Variants in PHKA2 observed in about 807,000 individuals in gnomAD.
PHKA2 encodes the protein phosphorylase kinase regulatory subunit alpha 2.
Under a neutral mutation model 102.0 loss-of-function variants are expected in PHKA2, and 31 were observed. The observed-to-expected ratio is 0.30, with a 90% CI of 0.23 to 0.41. PHKA2 has a LOEUF of 0.41. Among genes scored for constraint, PHKA2 ranks in the 10% least tolerant of loss-of-function variants. PHKA2 has a pLI of 1.00. For missense variants in PHKA2, 858 were observed against 1,023.1 expected, an observed-to-expected ratio of 0.84 and a Z score of 2.20; for synonymous variants, 455 against 416.2, an observed-to-expected ratio of 1.09 and a Z score of -1.13.
chrX:18,925,553 A>G, intron 15 of PHKA2, 115 bp downstream of exon 15: 3 of 551,618 alleles, frequency 5.4e-6, no homozygotes, highest in Non-Finnish European at 6.6e-6. Flanking sequence ...GTATCATTTC[A>G]TATGTCTCTA....
chrX:18,972,721 A>G (rs747374348), intron 1 of PHKA2, among the ~76,000 whole-genome samples: 1 of 112,194 alleles, frequency 8.9e-6, no homozygotes, highest in Non-Finnish European at 1.9e-5. Context: ...TAGATCTTAT[A>G]TATGGGAAGC....
At chrX:18,910,791 T>TA in intron 20 of PHKA2, 81 bp downstream of exon 20, 1 of 563,152 alleles carries the variant, frequency 1.8e-6, no homozygotes, top group Non-Finnish European at 3.1e-6. Flanking sequence ...CTTTTGAGTT[T>TA]AGCCATTTGG....
At chrX:18,894,751 CAT>C in intron 31 of PHKA2, 6 of 379,864 alleles carry the variant, frequency 1.6e-5, no homozygotes, top group South Asian at 1.2e-4. Flanking sequence ...AAAAAAAATC[CAT>C]GTTAAAAAGA....
At chrX:18,956,536 CCT>C (rs1401439641) in intron 1 of PHKA2, among the ~76,000 whole-genome samples, 2 of 111,533 alleles carry the variant, frequency 1.8e-5, no homozygotes, top group East Asian at 5.7e-4. Flanking sequence ...ATGAAATATC[CCT>C]GTCCTGTTAA....
Position 18,893,223 on chromosome X carries a change from C to T in PHKA2, c.*262G>A. 7.2e-6 allele frequency: 3 copies of T among 413,945 alleles called. No individual in the cohort carries two copies. The highest frequency in any genetic ancestry group is 1.3e-5 in the Non-Finnish European group (3 of 235,091). The allele number at this position is 413,945 out of a possible 1,213,427, so 34.1% of individuals were successfully genotyped here. ...TCCTCAGAGTCCGTGAGACCAGATG[C>T]TACAGCAAATGTTCCAGAGAAATGA... On this transcript the variant is annotated 3_prime_UTR_variant, in exon 33 of 33. Transcript: ENST00000379942.
intron 25 of PHKA2, 37 bp from the exon 26 acceptor site, chrX:18,905,896 G>T: frequency 9.8e-7 from 1 of 1,023,828 alleles, no homozygotes; most frequent in Non-Finnish European, 1.4e-6. Context: ...CCAAACACAG[G>T]GCTGGTGGCG....
intron 26 of PHKA2, among the ~76,000 whole-genome samples, chrX:18,901,955 G>A (rs752100555): frequency 7.3e-5 from 8 of 109,449 alleles, no homozygotes; most frequent in Non-Finnish European, 1.1e-4. Flanking sequence ...ACATTCTCCT[G>A]CCTCAGCCTC....
intron 19 of PHKA2, among the ~76,000 whole-genome samples, chrX:18,916,181 C>A (rs1290722510): frequency 8.9e-6 from 1 of 112,044 alleles, no homozygotes; most frequent in Non-Finnish European, 1.9e-5. Context: ...TTGGGAGGCC[C>A]AAGAGGGCAG....
At chrX:18,926,341 GT>G in intron 14 of PHKA2, 111 bp downstream of exon 14, 1 of 660,166 alleles carries the variant, frequency 1.5e-6, no homozygotes. Context: ...GCCTGCTTTA[GT>G]TTTTGTCCAA....
chrX:18,944,530 C>G (rs992366471), intron 6 of PHKA2, among the ~76,000 whole-genome samples: 1 of 111,521 alleles, frequency 9.0e-6, no homozygotes, highest in African/African-American at 3.3e-5. Context: ...ACTGGTGACC[C>G]ACAGATCGAA....
At chrX:18,895,770 T>A (rs1429759916) in intron 30 of PHKA2, 2 of 116,993 alleles carry the variant, frequency 1.7e-5, no homozygotes, top group Non-Finnish European at 3.5e-5. Flanking sequence ...CCAGGAAGAG[T>A]GGGGAAATTT....
chrX:18,931,580 C>T, intron 12 of PHKA2, 61 bp downstream of exon 12: 1 of 807,836 alleles, frequency 1.2e-6, no homozygotes, highest in African/African-American at 2.0e-5. Flanking sequence ...CTATGCCCTT[C>T]TGGGGTTCCC....
At chrX:18,957,062 C>T (rs1325560923) in intron 1 of PHKA2, among the ~76,000 whole-genome samples, 2 of 112,208 alleles carry the variant, frequency 1.8e-5, no homozygotes, top group Non-Finnish European at 3.8e-5. Context: ...GCCACCACAC[C>T]CAGCTAATTT....
At chrX:18,897,416 C>T (rs1415693954) in intron 29 of PHKA2, 83 bp from the exon 30 acceptor site, 9 of 935,340 alleles carry the variant, frequency 9.6e-6, no homozygotes, top group African/African-American at 5.8e-5. Flanking sequence ...GGCGGCCCTG[C>T]GACCTAGGCA....
Position 18,918,824 on chromosome X carries a change from T to C in PHKA2, c.1994A>G (p.Asn665Ser), listed in dbSNP as rs748477057. 3.3e-6 allele frequency: 4 copies of C among 1,209,109 alleles called. No individual in the cohort carries two copies. The highest frequency in any genetic ancestry group is 4.5e-6 in the Non-Finnish European group (4 of 894,771). Residue 665 changes from asparagine (N) to serine (S), a missense_variant, in exon 19 of 33, where the codon AAC becomes AGC. Transcript: ENST00000379942. Reference protein sequence around the residue: ...ESQDELDHYINHLLQSTSLRS... With the variant: ...ESQDELDHYISHLLQSTSLRS... ...CAACGATGTGCTTTGCAGAAGGTGG[T>C]TGATATAATGGTCAAGTTCGTCTTG... is the stretch of plus-strand genomic sequence containing the variant.
chrX:18,922,199 T>C (rs1370964169), intron 17 of PHKA2, among the ~76,000 whole-genome samples: 1 of 111,436 alleles, frequency 9.0e-6, no homozygotes, highest in Non-Finnish European at 1.9e-5. Context: ...TGAGCCGAGA[T>C]TGTGCCACTG....
Position 18,905,755 on chromosome X carries a change from T to C in PHKA2, c.2908+3A>G. On this transcript the variant is annotated splice_donor_region_variant and intron_variant, in intron 26 of 32. Coordinates refer to ENST00000379942, the MANE Select transcript of PHKA2 (RefSeq NM_000292.3). ...AAGACGTTAACAGGAGCATGGAACT[T>C]ACCACTTCTTTCAACGCCAAACTCT... 1 of 1,168,078 alleles carries C rather than the reference T, an allele frequency of 8.6e-7. No individual in the cohort carries two copies. Among genetic ancestry groups the C allele is most frequent in the Non-Finnish European group, 1.2e-6 (1 of 855,378 alleles).
Position 18,905,866 on chromosome X carries a change from A to G in PHKA2, c.2807-7T>C. 1.7e-6 allele frequency: 2 copies of G among 1,159,702 alleles called. No individual in the cohort carries two copies. The highest frequency in any genetic ancestry group is 2.4e-6 in the Non-Finnish European group (2 of 848,353). On this transcript the variant is annotated splice_region_variant and splice_polypyrimidine_tract_variant and intron_variant, in intron 25 of 32. Coordinates refer to ENST00000379942, the MANE Select transcript of PHKA2 (RefSeq NM_000292.3). ...CTTTCAGAAGCCTCTTCTCCTAAAA[A>G]CAAATATCTTGTAAGTGTCCCAAAC...
intron 9 of PHKA2, 123 bp from the exon 10 acceptor site, chrX:18,938,872 AT>A: frequency 3.3e-6 from 2 of 614,070 alleles, no homozygotes; most frequent in Non-Finnish European, 5.4e-6. Context: ...CATGAGTAGG[AT>A]TTTACTATAA....
Sources: allele counts gnomAD v4.1 joint callset (sites outside exome capture counted in the v4.1 genomes callset), GRCh38; gene constraint gnomAD v4.1.1; transcripts MANE v1.5; gene names NCBI Gene and HGNC (gene_info 2026-07-23, HGNC 2026-07-21).